The following SCRG1 variants were observed in gnomAD, a reference collection of about 807,000 sequenced individuals.
The protein encoded by SCRG1 is scrapie-responsive protein 1.
In SCRG1, 3 loss-of-function variants were observed where a neutral mutation model predicts 7.7. That is an observed-to-expected ratio of 0.39 (90% confidence interval 0.18 to 1.01). The LOEUF is 1.01. Ranked by LOEUF, SCRG1 falls within the 50% of genes least tolerant of loss-of-function variation. The probability of loss-of-function intolerance (pLI) is 0.36; values close to 1 mark genes in which losing one functional copy is unlikely to be tolerated. For synonymous variants in SCRG1, 46 were observed against 41.2 expected, an observed-to-expected ratio of 1.12 and a Z score of -0.44; for missense variants, 110 against 117.2, an observed-to-expected ratio of 0.94 and a Z score of 0.28.
the SCRG1 span, among the ~76,000 whole-genome samples, chr4:173,453,598 C>T: frequency 6.6e-6 from 1 of 152,274 alleles, no homozygotes; most frequent in East Asian, 1.9e-4. Flanking sequence ...AAATATTTGT[C>T]TATCTGAACA....
At chr4:173,435,134 G>A in the SCRG1 span, among the ~76,000 whole-genome samples, 7 of 29,968 alleles carry the variant, frequency 2.3e-4, no homozygotes, top group African/African-American at 2.8e-4. Flanking sequence ...GTGTGTGTGT[G>A]TGTGTGTGTG....
At chr4:173,442,138 G>T in the SCRG1 span, among the ~76,000 whole-genome samples, 1 of 152,138 alleles carries the variant, frequency 6.6e-6, no homozygotes, top group Non-Finnish European at 1.5e-5. Context: ...GAACTTGCCT[G>T]CCTAGATCTC....
At chr4:173,494,941 T>C in the SCRG1 span, among the ~76,000 whole-genome samples, 1 of 152,148 alleles carries the variant, frequency 6.6e-6, no homozygotes, top group South Asian at 2.1e-4. Flanking sequence ...TTATACCGGC[T>C]GAGAGGAAAG....
At chr4:173,513,462 G>A in the SCRG1 span, among the ~76,000 whole-genome samples, 340 of 152,338 alleles carry the variant, frequency 2.2e-3, 1 homozygote, top group Non-Finnish European at 4.2e-3. Flanking sequence ...GCCTTGGGAA[G>A]GGAGCAAACT....
At chr4:173,425,209 G>A in the SCRG1 span, among the ~76,000 whole-genome samples, 2 of 152,168 alleles carry the variant, frequency 1.3e-5, no homozygotes, top group African/African-American at 4.8e-5. Flanking sequence ...GGCAAAAAAG[G>A]CAGAGTTACC....
chr4:173,408,991 C>CAAAAAA (rs991902394), upstream of SCRG1, among the ~76,000 whole-genome samples: 41 of 50,966 alleles, frequency 8.0e-4, no homozygotes, highest in African/African-American at 9.6e-4. Flanking sequence ...GACTCAGTCT[C>CAAAAAA]AAAAAAAAAA....
the SCRG1 span, among the ~76,000 whole-genome samples, chr4:173,423,665 T>A: frequency 6.9e-6 from 1 of 145,736 alleles, no homozygotes; most frequent in African/African-American, 2.4e-5. Flanking sequence ...TCTCTTTTTT[T>A]TTAATTTTTT....
At chr4:173,452,168 A>G in the SCRG1 span, among the ~76,000 whole-genome samples, 1 of 151,592 alleles carries the variant, frequency 6.6e-6, no homozygotes, top group Non-Finnish European at 1.5e-5. Flanking sequence ...CCCAGGAGGC[A>G]GCGGTTGCAG....
chr4:173,478,810 C>G, the SCRG1 span, among the ~76,000 whole-genome samples: 1 of 152,082 alleles, frequency 6.6e-6, no homozygotes, highest in Non-Finnish European at 1.5e-5. Flanking sequence ...GAGGAAGAAA[C>G]AAAAACAAAT....
chr4:173,408,196 T>C (rs1739956997), upstream of SCRG1, among the ~76,000 whole-genome samples: 1 of 152,202 alleles, frequency 6.6e-6, no homozygotes, highest in African/African-American at 2.4e-5. Flanking sequence ...TTCCAGAGGA[T>C]TGGGTATGTG....
At chr4:173,445,872 GC>G in the SCRG1 span, among the ~76,000 whole-genome samples, 1 of 151,838 alleles carries the variant, frequency 6.6e-6, no homozygotes, top group Non-Finnish European at 1.5e-5. Flanking sequence ...CACCATGTTG[GC>G]CAGGCTGGTC....
the SCRG1 span, among the ~76,000 whole-genome samples, chr4:173,426,946 A>G: frequency 6.6e-6 from 1 of 152,196 alleles, no homozygotes; most frequent in Non-Finnish European, 1.5e-5. Context: ...ATACTGATGT[A>G]TTTGTGAGGA....
chr4:173,423,664 T>A, the SCRG1 span, among the ~76,000 whole-genome samples: 15,579 of 151,922 alleles, frequency 0.1, 1,119 homozygotes, highest in Non-Finnish European at 0.16. Flanking sequence ...ATCTCTTTTT[T>A]TTTAATTTTT....
At chr4:173,482,366 A>T in the SCRG1 span, among the ~76,000 whole-genome samples, 5 of 152,170 alleles carry the variant, frequency 3.3e-5, no homozygotes, top group African/African-American at 1.2e-4. Context: ...AACATATGTC[A>T]TGTGTACTAG....
intron 2 of SCRG1, chr4:173,389,883 A>G: frequency 2.3e-6 from 1 of 434,982 alleles, no homozygotes; most frequent in Non-Finnish European, 4.7e-6. Context: ...GGATGAAAAT[A>G]TGATGACATC....
Position 173,386,670 on chromosome 4 carries a change from T to G in SCRG1, c.*1671A>C, listed in dbSNP as rs2126910672. 1.3e-5 allele frequency: 2 copies of G among 152,296 alleles called. No homozygotes were observed. Among genetic ancestry groups the G allele is most frequent in the South Asian group, 4.1e-4 (2 of 4,824 alleles). The allele number at this position is 152,296 out of a possible 1,614,324, so 9.4% of individuals were successfully genotyped here. ...CCAAGGATATATTTTAATGAAATAA[T>G]GTCACTTTTATTCATAAAATGATAT... is the stretch of plus-strand genomic sequence containing the variant. On this transcript the variant is annotated 3_prime_UTR_variant, in exon 3 of 3. Transcript: ENST00000296506.
At chr4:173,483,549 A>T in the SCRG1 span, among the ~76,000 whole-genome samples, 19,661 of 47,816 alleles carry the variant, frequency 0.41, 6,352 homozygotes, top group Middle Eastern at 0.58. Context: ...TATATAATAT[A>T]TATTATATAT....
the SCRG1 span, among the ~76,000 whole-genome samples, chr4:173,488,385 G>C: frequency 6.6e-6 from 1 of 152,126 alleles, no homozygotes; most frequent in Non-Finnish European, 1.5e-5. Context: ...GACACTATGG[G>C]CATGCAGGGG....
chr4:173,439,603 T>A, the SCRG1 span, among the ~76,000 whole-genome samples: 1 of 151,076 alleles, frequency 6.6e-6, no homozygotes, highest in African/African-American at 2.4e-5. Context: ...CATTATTATA[T>A]AATTTCAAAA....
Sources: gnomAD v4.1 joint callset for allele counts (sites outside exome capture counted in the v4.1 genomes callset) on GRCh38, gnomAD v4.1.1 for gene constraint, MANE v1.5 for transcripts, NCBI Gene and HGNC (gene_info 2026-07-23, HGNC 2026-07-21) for gene names.